Variants in ADAMTS17 observed in about 807,000 individuals in gnomAD.
ADAMTS17 encodes the protein ADAM metallopeptidase with thrombospondin type 1 motif 17.
Under a neutral mutation model 141.5 loss-of-function variants are expected in ADAMTS17, and 113 were observed. The observed-to-expected ratio is 0.80, with a 90% CI of 0.69 to 0.93. The LOEUF is 0.93. Ranked by LOEUF, ADAMTS17 falls within the 40% of genes least tolerant of loss-of-function variation. ADAMTS17 has a pLI of 0.00. For synonymous variants in ADAMTS17, 768 were observed against 630.6 expected, an observed-to-expected ratio of 1.22 and a Z score of -3.27; for missense variants, 1,659 against 1,517.9, an observed-to-expected ratio of 1.09 and a Z score of -1.54.
At position 100,160,049 on chromosome 15, in the gene ADAMTS17, G is replaced by A. The variant is rs1274435859; in HGVS notation, c.1182-4729C>T. Among the ~76,000 whole-genome samples the A allele has an allele frequency of 2.9e-5, 3 of 105,098 alleles. No individual in the cohort carries two copies. The East Asian group carries it at 6.6e-4, about 23-fold the overall frequency. The allele number at this position is 105,098 out of a possible 152,430, so 68.9% of individuals were successfully genotyped here. ...CCCACTCAGAAAACCCGTTTCTCCT[G>A]GAATGGCCCCCCAGTAAAGAGGGTC... is the stretch of plus-strand genomic sequence containing the variant. On this transcript the variant is annotated intron_variant, in intron 8 of 21. Coordinates refer to ENST00000268070, the MANE Select transcript of ADAMTS17 (RefSeq NM_139057.4).
At chr15:100,221,349 T>C (rs1165124166) in intron 7 of ADAMTS17, among the ~76,000 whole-genome samples, 2 of 151,834 alleles carry the variant, frequency 1.3e-5, no homozygotes, top group Non-Finnish European at 2.9e-5. Context: ...ATAGCATATG[T>C]GTGTGTGTTT....
chr15:99,990,967 T>C (rs565849685), intron 20 of ADAMTS17, among the ~76,000 whole-genome samples: 3 of 152,304 alleles, frequency 2.0e-5, no homozygotes, highest in South Asian at 2.1e-4. Context: ...TGGCTAGCCA[T>C]GTGTAGAAAA....
chr15:100,072,133 T>A (rs2034019235), intron 15 of ADAMTS17, among the ~76,000 whole-genome samples: 1 of 149,882 alleles, frequency 6.7e-6, no homozygotes. Context: ...GAGAGCCAAA[T>A]CATGAGTGAA....
intron 15 of ADAMTS17, among the ~76,000 whole-genome samples, chr15:100,095,746 G>C (rs1345850502): frequency 3.9e-5 from 6 of 152,028 alleles, no homozygotes; most frequent in African/African-American, 1.2e-4. Context: ...GTAAGACAAA[G>C]CAGCCTGCAG....
intron 10 of ADAMTS17, among the ~76,000 whole-genome samples, chr15:100,139,870 T>A (rs2038535098): frequency 6.6e-6 from 1 of 152,228 alleles, no homozygotes; most frequent in Non-Finnish European, 1.5e-5. Context: ...GATCCTGGTA[T>A]ACAGAAAGGA....
chr15:100,102,057 T>C (rs1596434225), intron 14 of ADAMTS17, among the ~76,000 whole-genome samples: 2 of 152,252 alleles, frequency 1.3e-5, no homozygotes, highest in South Asian at 4.1e-4. Flanking sequence ...GCATGGAAAA[T>C]AGAATTTCTG....
chr15:100,084,113 C>T lies in ADAMTS17; in HGVS notation c.2137+12243G>A, dbSNP rs148848467. ...CCTAGTCAAAGAAAGGGGTGACAGA[C>T]GGCACCTGGAAAATCGGGTCACTCC... is the stretch of plus-strand genomic sequence containing the variant. On this transcript the variant is annotated intron_variant, in intron 15 of 21. Transcript: ENST00000268070. Among the ~76,000 whole-genome samples, 418 of 152,178 alleles carry T rather than the reference C, an allele frequency of 2.7e-3. 1 individual carries two copies. The highest frequency in any genetic ancestry group is 8.8e-3 in the African/African-American group (364 of 41,518).
chr15:100,259,866 C>CACT (rs2043455407), intron 6 of ADAMTS17, among the ~76,000 whole-genome samples: 3 of 152,242 alleles, frequency 2.0e-5, no homozygotes, highest in African/African-American at 7.2e-5. Context: ...TCTTTTGAGA[C>CACT]AGAGTTTCAC....
intron 15 of ADAMTS17, among the ~76,000 whole-genome samples, chr15:100,067,903 G>C (rs1301784438): frequency 6.6e-6 from 1 of 152,166 alleles, no homozygotes; most frequent in African/African-American, 2.4e-5. Flanking sequence ...CGGAAAGTGG[G>C]TGCAGGACAG....
At chr15:100,253,988 AG>A (rs1387761990) in intron 7 of ADAMTS17, 147 bp downstream of exon 7, 50 of 740,854 alleles carry the variant, frequency 6.7e-5, no homozygotes, top group Admixed American at 3.3e-4. Context: ...AAATAAAAAA[AG>A]GAAAGTCAAA....
At chr15:100,313,745 C>T (rs973487662) in intron 3 of ADAMTS17, among the ~76,000 whole-genome samples, 1 of 151,626 alleles carries the variant, frequency 6.6e-6, no homozygotes, top group African/African-American at 2.4e-5. Flanking sequence ...GAAGAAACGT[C>T]AGACAAAACC....
At chr15:100,224,719 A>G (rs1388951083) in intron 7 of ADAMTS17, among the ~76,000 whole-genome samples, 1 of 152,032 alleles carries the variant, frequency 6.6e-6, no homozygotes, top group Non-Finnish European at 1.5e-5. Context: ...GACACAGAAC[A>G]CTCTTTGTCC....
At chr15:100,181,086 G>C (rs1596205321) in intron 8 of ADAMTS17, among the ~76,000 whole-genome samples, 2 of 152,234 alleles carry the variant, frequency 1.3e-5, no homozygotes, top group East Asian at 3.9e-4. Flanking sequence ...CTCTTCCTGT[G>C]GCCACCGCCA....
intron 15 of ADAMTS17, among the ~76,000 whole-genome samples, chr15:100,059,046 G>A (rs753480653): frequency 6.6e-6 from 1 of 152,208 alleles, no homozygotes; most frequent in Non-Finnish European, 1.5e-5. Flanking sequence ...TGGCATCAGT[G>A]AACAAGGAGT....
intron 6 of ADAMTS17, among the ~76,000 whole-genome samples, chr15:100,258,481 T>G (rs4454952): frequency 6.6e-6 from 1 of 152,006 alleles, no homozygotes; most frequent in Admixed American, 6.5e-5. Context: ...AATGCACTTA[T>G]AGTTCCACAT....
intron 15 of ADAMTS17, among the ~76,000 whole-genome samples, chr15:100,083,802 C>G (rs1363285610): frequency 6.6e-6 from 1 of 150,876 alleles, no homozygotes; most frequent in South Asian, 2.1e-4. Flanking sequence ...TGCTGGCATG[C>G]CAGAGCAGCT....
At chr15:100,310,927 C>A (rs1380732335) in intron 3 of ADAMTS17, among the ~76,000 whole-genome samples, 1 of 152,220 alleles carries the variant, frequency 6.6e-6, no homozygotes, top group African/African-American at 2.4e-5. Context: ...CTTTGGAAAG[C>A]AGGCTTTGCA....
At chr15:100,257,269 T>C (rs1204635165) in intron 6 of ADAMTS17, among the ~76,000 whole-genome samples, 3 of 152,136 alleles carry the variant, frequency 2.0e-5, no homozygotes, top group African/African-American at 4.8e-5. Context: ...CATCAGCCCA[T>C]TATTATCCCA....
chr15:100,279,426 T>A (rs965486358), intron 4 of ADAMTS17, among the ~76,000 whole-genome samples: 3 of 152,074 alleles, frequency 2.0e-5, no homozygotes, highest in African/African-American at 7.3e-5. Context: ...ATTCCGGGAA[T>A]AGGCATGTCA....
Sources: allele counts gnomAD v4.1 joint callset (sites outside exome capture counted in the v4.1 genomes callset), GRCh38; gene constraint gnomAD v4.1.1; transcripts MANE v1.5; gene names NCBI Gene and HGNC (gene_info 2026-07-23, HGNC 2026-07-21).